Variants in ULK4 observed in about 807,000 individuals in gnomAD.
ULK4 encodes unc-51 like kinase 4, also known as inactive serine/threonine-protein kinase ULK4.
ULK4 carries 133 observed loss-of-function variants against 160.6 expected under a neutral mutation model. The ratio of observed to expected loss-of-function variants is 0.83; its 90% CI spans 0.72 to 0.96. ULK4 has a LOEUF of 0.96. Among genes scored for constraint, ULK4 ranks in the 40% least tolerant of loss-of-function variants. The probability of loss-of-function intolerance (pLI) is 0.00; values close to 1 mark genes in which losing one functional copy is unlikely to be tolerated. For synonymous variants in ULK4, 534 were observed against 539.8 expected (o/e 0.99, Z 0.15); for missense variants, 1,580 against 1,499.5 (o/e 1.05, Z -0.89).
chr3:41,690,407 A>G (rs918736740), intron 27 of ULK4, among the ~76,000 whole-genome samples: 3 of 151,454 alleles, frequency 2.0e-5, no homozygotes, highest in Non-Finnish European at 3.0e-5. Context: ...TAACCTGCAC[A>G]TTGTGCACAT....
chr3:41,558,016 G>T (rs1185749705), intron 32 of ULK4, among the ~76,000 whole-genome samples: 1 of 152,050 alleles, frequency 6.6e-6, no homozygotes, highest in Non-Finnish European at 1.5e-5. Flanking sequence ...TGCTCTTGTG[G>T]AAATATAAAT....
At chr3:41,711,357 T>C (rs1321162442) in intron 25 of ULK4, among the ~76,000 whole-genome samples, 2 of 151,962 alleles carry the variant, frequency 1.3e-5, no homozygotes, top group African/African-American at 4.8e-5. Flanking sequence ...CTAGGGGGTG[T>C]GAAGCAGTGT....
chr3:41,733,725 ATTTTTTTTTT>A (rs778572755), intron 22 of ULK4, among the ~76,000 whole-genome samples: 3 of 93,620 alleles, frequency 3.2e-5, no homozygotes, highest in South Asian at 6.5e-4. Flanking sequence ...TAAACACATG[ATTTTTTTTTT>A]TTTTTTTTTT....
chr3:41,465,612 A>G (rs1349589996), intron 32 of ULK4, among the ~76,000 whole-genome samples: 1 of 152,194 alleles, frequency 6.6e-6, no homozygotes, highest in East Asian at 1.9e-4. Flanking sequence ...TTTGTTGGAT[A>G]AATTAGAACA....
chr3:41,815,390 T>C (rs547162947), intron 19 of ULK4, among the ~76,000 whole-genome samples: 1 of 152,370 alleles, frequency 6.6e-6, no homozygotes, highest in South Asian at 2.1e-4. Flanking sequence ...GGTTATTCTA[T>C]TGCTCTTGAA....
chr3:41,850,588 G>C (rs1003501798), intron 17 of ULK4, among the ~76,000 whole-genome samples: 2 of 152,126 alleles, frequency 1.3e-5, no homozygotes, highest in Admixed American at 6.6e-5. Flanking sequence ...TTTCATGTGT[G>C]TTTTAGCTGC....
intron 22 of ULK4, among the ~76,000 whole-genome samples, chr3:41,723,564 G>A (rs1246507432): frequency 3.9e-5 from 6 of 152,126 alleles, no homozygotes; most frequent in African/African-American, 1.2e-4. Flanking sequence ...CCAACAGTGA[G>A]GAAAGAGGGG....
intron 35 of ULK4, among the ~76,000 whole-genome samples, chr3:41,390,170 T>C (rs1241131061): frequency 6.6e-6 from 1 of 152,214 alleles, no homozygotes; most frequent in Non-Finnish European, 1.5e-5. Context: ...GAGGTATTTA[T>C]AGTATTCTCT....
At chr3:41,410,970 A>T (rs994323349) in intron 34 of ULK4, among the ~76,000 whole-genome samples, 1 of 152,158 alleles carries the variant, frequency 6.6e-6, no homozygotes, top group African/African-American at 2.4e-5. Context: ...CAAAAACACT[A>T]TTTACAAATA....
intron 32 of ULK4, among the ~76,000 whole-genome samples, chr3:41,472,148 T>G (rs1051151112): frequency 1.3e-5 from 2 of 150,620 alleles, no homozygotes; most frequent in Non-Finnish European, 3.0e-5. Flanking sequence ...AGAGAAGAAA[T>G]TAAACAGAAA....
At chr3:41,483,255 G>C (rs990205013) in intron 32 of ULK4, among the ~76,000 whole-genome samples, 1 of 152,070 alleles carries the variant, frequency 6.6e-6, no homozygotes, top group East Asian at 1.9e-4. Context: ...AAATAAGTGA[G>C]AACATGTGAA....
At chr3:41,502,474 G>A (rs946268792) in intron 32 of ULK4, among the ~76,000 whole-genome samples, 2 of 152,082 alleles carry the variant, frequency 1.3e-5, no homozygotes, top group Admixed American at 6.5e-5. Flanking sequence ...AAATGAAAAC[G>A]GATGTAAATA....
chr3:41,525,700 T>C (rs971537499), intron 32 of ULK4, among the ~76,000 whole-genome samples: 1 of 152,252 alleles, frequency 6.6e-6, no homozygotes, highest in African/African-American at 2.4e-5. Flanking sequence ...TCATTTTGTA[T>C]CTGTATTTCC....
rs75652363 is a variant in ULK4 at position 41,551,538 on chromosome 3, T to G, written c.3226+14487A>C. 2.5e-3 allele frequency among the ~76,000 whole-genome samples: 374 copies of G among 151,938 alleles called. 1 individual carries two copies. Among genetic ancestry groups the G allele is most frequent in the African/African-American group, 8.7e-3 (360 of 41,538 alleles). ...AACCTAGAGAAAATAGACAAATTCCTAGGCATATACAACTGCCAAGATTGA... is the reference window on the plus strand; with the variant it reads ...AACCTAGAGAAAATAGACAAATTCCGAGGCATATACAACTGCCAAGATTGA... On this transcript the variant is annotated intron_variant, in intron 32 of 36. Transcript: ENST00000301831.
At chr3:41,458,311 G>A (rs866127733) in intron 33 of ULK4, among the ~76,000 whole-genome samples, 1 of 152,210 alleles carries the variant, frequency 6.6e-6, no homozygotes, top group African/African-American at 2.4e-5. Context: ...GATGGGGACT[G>A]AATCATATTC....
intron 35 of ULK4, among the ~76,000 whole-genome samples, chr3:41,370,553 G>C (rs968513523): frequency 1.3e-5 from 2 of 152,212 alleles, no homozygotes; most frequent in African/African-American, 4.8e-5. Flanking sequence ...GGAAGGGCAA[G>C]GGGTTGGGGA....
At chr3:41,396,157 C>T (rs1374993485) in intron 35 of ULK4, among the ~76,000 whole-genome samples, 1 of 152,026 alleles carries the variant, frequency 6.6e-6, no homozygotes, top group East Asian at 1.9e-4. Context: ...GTAGCAAAAT[C>T]CTGAACTCAC....
At position 41,699,304 on chromosome 3, in the gene ULK4, T is replaced by C. The variant is rs56184003; in HGVS notation, c.2781+5753A>G. Among the ~76,000 whole-genome samples, 585 of 152,344 alleles carry C rather than the reference T, an allele frequency of 3.8e-3. 5 individuals carry two copies. The highest frequency in any genetic ancestry group is 0.03 in the East Asian group (156 of 5,186). ...GTTTAAAGCTAGATTATTCATTATTTATTAGCCTCCAGCCTTTCCCTGAAA... is the reference window on the plus strand; with the variant it reads ...GTTTAAAGCTAGATTATTCATTATTCATTAGCCTCCAGCCTTTCCCTGAAA... On this transcript the variant is annotated intron_variant, in intron 27 of 36. Transcript: ENST00000301831.
chr3:41,818,143 T>C (rs1384924844), intron 19 of ULK4, among the ~76,000 whole-genome samples: 1 of 138,790 alleles, frequency 7.2e-6, no homozygotes, highest in Non-Finnish European at 1.6e-5. Flanking sequence ...TAACTAAAAA[T>C]AGAGCTACCA....
Sources: gnomAD v4.1 joint callset for allele counts (sites outside exome capture counted in the v4.1 genomes callset) on GRCh38, gnomAD v4.1.1 for gene constraint, MANE v1.5 for transcripts, NCBI Gene and HGNC (gene_info 2026-07-23, HGNC 2026-07-21) for gene names.